Variants in PLSCR2 observed in about 807,000 individuals in gnomAD.
The protein encoded by PLSCR2 is phospholipid scramblase 2, also known as PL scramblase 2.
In PLSCR2, 18 loss-of-function variants were observed where a neutral mutation model predicts 25.3. The observed-to-expected ratio is 0.71, with a 90% CI of 0.49 to 1.06. The LOEUF is 1.06. Among genes scored for constraint, PLSCR2 ranks in the 50% least tolerant of loss-of-function variants. The probability of loss-of-function intolerance (pLI) is 0.00; values close to 1 mark genes in which losing one functional copy is unlikely to be tolerated. For missense variants in PLSCR2, 243 were observed against 269.5 expected, an observed-to-expected ratio of 0.90 and a Z score of 0.69; for synonymous variants, 88 against 87.3, an observed-to-expected ratio of 1.01 and a Z score of -0.04.
intron 2 of PLSCR2, among the ~76,000 whole-genome samples, chr3:146,405,052 T>C (rs2038617684): frequency 6.6e-6 from 1 of 151,986 alleles, no homozygotes; most frequent in African/African-American, 2.4e-5. Context: ...TTGAGACGGA[T>C]TAAGAGTCCG....
chr3:146,459,596 T>G (rs1340471269), intron 2 of PLSCR2, among the ~76,000 whole-genome samples: 3 of 152,212 alleles, frequency 2.0e-5, no homozygotes, highest in Non-Finnish European at 4.4e-5. Flanking sequence ...AAATGTTTAC[T>G]TTGGACTATT....
chr3:146,414,059 G>A (rs987603117), intron 2 of PLSCR2, among the ~76,000 whole-genome samples: 1 of 152,232 alleles, frequency 6.6e-6, no homozygotes, highest in Non-Finnish European at 1.5e-5. Context: ...TCATATGGTA[G>A]TGGAAGGCAT....
chr3:146,409,079 G>A (rs565844197), intron 2 of PLSCR2, among the ~76,000 whole-genome samples: 13 of 152,186 alleles, frequency 8.5e-5, no homozygotes, highest in African/African-American at 3.1e-4. Flanking sequence ...CCATCAGAAA[G>A]GTCAAAACCT....
chr3:146,470,047 A>G (rs1418784492), intron 1 of PLSCR2, among the ~76,000 whole-genome samples: 1 of 152,088 alleles, frequency 6.6e-6, no homozygotes, highest in Non-Finnish European at 1.5e-5. Flanking sequence ...AGCTTAGACT[A>G]CAAAAGAGGA....
At chr3:146,472,148 T>C (rs940345854) in intron 1 of PLSCR2, among the ~76,000 whole-genome samples, 4 of 152,242 alleles carry the variant, frequency 2.6e-5, no homozygotes, top group African/African-American at 9.6e-5. Context: ...TTACAGTCAT[T>C]TGAAATTTTT....
chr3:146,453,649 A>G (rs2041025536), intron 5 of PLSCR2, among the ~76,000 whole-genome samples: 1 of 152,294 alleles, frequency 6.6e-6, no homozygotes, highest in South Asian at 2.1e-4. Context: ...ATTTTAGATT[A>G]AGGAAGGATC....
At chr3:146,491,524 C>T (rs2043551540) in intron 1 of PLSCR2, among the ~76,000 whole-genome samples, 4 of 151,670 alleles carry the variant, frequency 2.6e-5, no homozygotes, top group Non-Finnish European at 5.9e-5. Context: ...TTACGTAATC[C>T]CTTATTTCTC....
upstream of PLSCR2, among the ~76,000 whole-genome samples, chr3:146,464,511 T>C (rs1488222859): frequency 6.6e-6 from 1 of 152,208 alleles, no homozygotes; most frequent in African/African-American, 2.4e-5. Flanking sequence ...CCACTCTTAC[T>C]AAAAAGTAAA....
chr3:146,486,470 A>G (rs1421558067), intron 1 of PLSCR2, among the ~76,000 whole-genome samples: 6 of 152,004 alleles, frequency 3.9e-5, no homozygotes, highest in Non-Finnish European at 5.9e-5. Flanking sequence ...AGACACAATA[A>G]AAAATGATAA....
At chr3:146,409,185 G>A (rs964728142) in intron 2 of PLSCR2, among the ~76,000 whole-genome samples, 6 of 152,054 alleles carry the variant, frequency 3.9e-5, no homozygotes, top group African/African-American at 1.2e-4. Flanking sequence ...CTGAGCGCTC[G>A]TCACCTGGAG....
At chr3:146,477,862 GC>G (rs200182668) in intron 1 of PLSCR2, among the ~76,000 whole-genome samples, 3,195 of 152,270 alleles carry the variant, frequency 0.021, 53 homozygotes, top group Non-Finnish European at 0.032. Context: ...ACAGGCAGGT[GC>G]CCCTCTGGGA....
Position 146,486,676 on chromosome 3 carries a change from A to T in PLSCR2, c.-293+9219T>A, listed in dbSNP as rs535756370. Among the ~76,000 whole-genome samples, 5 of 152,036 alleles carry T rather than the reference A, an allele frequency of 3.3e-5. No individual in the cohort carries two copies. The South Asian group carries it at 1.0e-3, about 32-fold the overall frequency. On this transcript the variant is annotated intron_variant, in intron 1 of 8. Coordinates refer to the PLSCR2 transcript ENST00000336685. The stretch of plus-strand genomic sequence containing the variant: ...CAATTTCTACTATAGGGGCAGTAAT[A>T]AATTGCCTACCAAAAAAAAACCCAG...
upstream of PLSCR2, among the ~76,000 whole-genome samples, chr3:146,464,601 A>C (rs1461676576): frequency 6.6e-6 from 1 of 152,214 alleles, no homozygotes; most frequent in Non-Finnish European, 1.5e-5. Flanking sequence ...TAATAAAGTC[A>C]TATTATATAT....
intron 1 of PLSCR2, among the ~76,000 whole-genome samples, chr3:146,467,817 G>T (rs1043127846): frequency 6.6e-6 from 1 of 152,100 alleles, no homozygotes; most frequent in Non-Finnish European, 1.5e-5. Flanking sequence ...ATGTATGAGG[G>T]GCGTGGTAGG....
intron 2 of PLSCR2, among the ~76,000 whole-genome samples, chr3:146,415,911 C>T (rs564452154): frequency 6.3e-4 from 96 of 152,222 alleles, no homozygotes; most frequent in African/African-American, 2.2e-3. Context: ...TCTCAAAATA[C>T]AATTTCCTAT....
intron 3 of PLSCR2, among the ~76,000 whole-genome samples, chr3:146,391,903 A>G (rs2038093828): frequency 6.6e-6 from 1 of 152,100 alleles, no homozygotes; most frequent in South Asian, 2.1e-4. Context: ...AAAAATTTAT[A>G]TTTTCAATCA....
chr3:146,419,662 GGTTTT>G (rs1369837440), intron 2 of PLSCR2, among the ~76,000 whole-genome samples: 3 of 151,980 alleles, frequency 2.0e-5, no homozygotes, highest in South Asian at 4.1e-4. Context: ...TTTTGTTTCA[GGTTTT>G]GTTTTGTTTT....
chr3:146,403,178 C>T (rs1430259016), intron 2 of PLSCR2, among the ~76,000 whole-genome samples: 1 of 151,810 alleles, frequency 6.6e-6, no homozygotes, highest in Non-Finnish European at 1.5e-5. Context: ...ACACTCCTAA[C>T]TACATGCTCT....
At chr3:146,460,186 G>T (rs1560028005) in exon 1 of PLSCR2, 1 of 1,393,016 alleles carries the variant, frequency 7.2e-7, no homozygotes, top group Admixed American at 3.1e-5. Flanking sequence ...CAGCTCAGAA[G>T]TCCTATATCT....
Sources: allele counts gnomAD v4.1 joint callset (sites outside exome capture counted in the v4.1 genomes callset), GRCh38; gene constraint gnomAD v4.1.1; transcripts MANE v1.5; gene names NCBI Gene and HGNC (gene_info 2026-07-23, HGNC 2026-07-21).